Variants in ZCCHC8 observed in about 807,000 individuals in gnomAD.
ZCCHC8 encodes zinc finger CCHC-type containing 8.
ZCCHC8 carries 27 observed loss-of-function variants against 70.6 expected under a neutral mutation model. The observed-to-expected ratio is 0.38, with a 90% CI of 0.28 to 0.53. The LOEUF (loss-of-function observed/expected upper bound fraction) is 0.53. Ranked by LOEUF, ZCCHC8 falls within the 20% of genes least tolerant of loss-of-function variation. ZCCHC8 has a pLI of 0.81. For missense variants in ZCCHC8, 737 were observed against 876.9 expected, an observed-to-expected ratio of 0.84 and a Z score of 2.01; for synonymous variants, 293 against 317.4, an observed-to-expected ratio of 0.92 and a Z score of 0.82.
Position 122,483,829 on chromosome 12 carries a change from C to A in ZCCHC8, c.502-266G>T, listed in dbSNP as rs566770284. ...ACAGAATTCAAACAAAAAATGAAAA[C>A]CTTGACTCTCATATTTCCCTCCAAT... On this transcript the variant is annotated intron_variant, in intron 5 of 13. Coordinates refer to ENST00000633063, the MANE Select transcript of ZCCHC8 (RefSeq NM_017612.5). The surrounding 1 kb of genome is among the most constrained non-coding windows in gnomAD (Gnocchi z 4.4). 32 of 333,408 alleles carry A rather than the reference C, an allele frequency of 9.6e-5. 1 individual carries two copies. In the South Asian group the frequency reaches 1.6e-3, roughly 17 times the overall value. 20.7% of individuals were successfully genotyped at this position (333,408 alleles called of 1,614,324 possible).
intron 9 of ZCCHC8, 28 bp downstream of exon 9, chr12:122,481,917 A>T: frequency 6.2e-7 from 1 of 1,602,930 alleles, no homozygotes. Context: ...AATAAAAATG[A>T]CCTTCTATGG....
chr12:122,497,105 G>A (rs1248517336), intron 2 of ZCCHC8, among the ~76,000 whole-genome samples: 1 of 151,984 alleles, frequency 6.6e-6, no homozygotes, highest in East Asian at 1.9e-4. Context: ...AGTGAGCCGA[G>A]GTCATGCCAC....
intron 2 of ZCCHC8, among the ~76,000 whole-genome samples, chr12:122,497,164 A>C (rs1404558024): frequency 6.6e-6 from 1 of 152,068 alleles, no homozygotes; most frequent in African/African-American, 2.4e-5. Context: ...AAAAAAAAAA[A>C]ATCTGAAATA....
At chr12:122,491,861 A>AAC (rs1233425785) in intron 3 of ZCCHC8, among the ~76,000 whole-genome samples, 1 of 152,096 alleles carries the variant, frequency 6.6e-6, no homozygotes, top group Non-Finnish European at 1.5e-5. Context: ...CTGCAGGTGA[A>AAC]ACACTAGGTG....
chr12:122,481,678 A>G lies in ZCCHC8; in HGVS notation c.876-14T>C. The G allele has an allele frequency of 1.2e-6, 2 of 1,606,928 alleles. No individual in the cohort carries two copies. The highest frequency in any genetic ancestry group is 2.2e-5 in the South Asian group (2 of 89,544). ...TGAAGTTCCTCACTAAGTAAAAATA[A>G]AGGAGGAAGAAAAATACTGAATTCT... On this transcript the variant is annotated splice_polypyrimidine_tract_variant and intron_variant, in intron 9 of 13. Transcript: ENST00000633063.
intron 8 of ZCCHC8, 77 bp from the exon 9 acceptor site, chr12:122,482,164 T>C (rs1957549012): frequency 2.1e-6 from 3 of 1,434,026 alleles, no homozygotes; most frequent in Non-Finnish European, 2.8e-6. Context: ...AAATACTTTT[T>C]TTTAGATCAA....
In ZCCHC8 at chr12:122,483,283, T is replaced by G. The variant is rs1416173360; in HGVS notation, c.667A>C (p.Lys223Gln). Reference sequence around the variant, plus strand: ...AAAACAACTCCCCACACAAACCTTTTTGCCTTTACTTGTATTTCTTGCCCT... The same window carrying G: ...AAAACAACTCCCCACACAAACCTTTGTGCCTTTACTTGTATTTCTTGCCCT... ...LEGQEIQVKA[K>Q]RPKPHCFNCG... The change falls in exon 7 of 14, where the codon AAA becomes CAA. Residue 223 changes from lysine (K) to glutamine (Q), a missense_variant. Coordinates refer to ENST00000633063, the MANE Select transcript of ZCCHC8 (RefSeq NM_017612.5). The surrounding 1 kb of genome is among the most constrained non-coding windows in gnomAD (Gnocchi z 4.4). 6.3e-7 allele frequency: 1 copy of G among 1,594,970 alleles called. No individual in the cohort carries two copies. The highest frequency in any genetic ancestry group is 1.7e-5 in the Admixed American group (1 of 57,692).
intron 5 of ZCCHC8, among the ~76,000 whole-genome samples, chr12:122,487,829 T>G (rs1054398201): frequency 2.6e-5 from 4 of 152,178 alleles, no homozygotes; most frequent in African/African-American, 9.7e-5. Flanking sequence ...TCTCTTTCTT[T>G]TTTATATACA....
chr12:122,487,072 T>C (rs563664681), intron 5 of ZCCHC8, among the ~76,000 whole-genome samples: 1 of 152,128 alleles, frequency 6.6e-6, no homozygotes, highest in South Asian at 2.1e-4. Context: ...CTGCCTGGAG[T>C]GCCCCATTCA....
chr12:122,474,527 G>A (rs1280049838), intron 13 of ZCCHC8, among the ~76,000 whole-genome samples: 2 of 152,098 alleles, frequency 1.3e-5, no homozygotes, highest in African/African-American at 4.8e-5. Flanking sequence ...CTGTTTCTGT[G>A]CTGTGTGCAT....
chr12:122,496,252 G>A (rs1203819355), intron 2 of ZCCHC8, among the ~76,000 whole-genome samples: 1 of 152,004 alleles, frequency 6.6e-6, no homozygotes, highest in Non-Finnish European at 1.5e-5. Context: ...AGGCTTGAGA[G>A]CACAAATTTT....
In ZCCHC8 at chr12:122,499,019, T is replaced by C; in HGVS notation, c.200-150A>G. ...ATGACACACTTATTGAGCTTCTATT[T>C]TGTTGCAGGGGTAGGCTTTTGAAAC... is the stretch of plus-strand genomic sequence containing the variant. On this transcript the variant is annotated intron_variant, in intron 1 of 13. Coordinates refer to ENST00000633063, the MANE Select transcript of ZCCHC8 (RefSeq NM_017612.5). 4.0e-6 allele frequency: 3 copies of C among 748,550 alleles called. No homozygotes were observed. In the South Asian group the frequency reaches 5.1e-5, roughly 13 times the overall value. The allele number at this position is 748,550 out of a possible 1,614,324, so 46.4% of individuals were successfully genotyped here.
intron 13 of ZCCHC8, among the ~76,000 whole-genome samples, chr12:122,476,770 C>G (rs969411368): frequency 1.3e-5 from 2 of 152,098 alleles, no homozygotes; most frequent in African/African-American, 4.8e-5. Context: ...CACCTATAAT[C>G]CCAGCACTTT....
rs1228717810 is a variant in ZCCHC8 at position 122,474,198 on chromosome 12, G to A, written c.1423C>T (p.Leu475Phe). 21 of 1,511,666 alleles carry A rather than the reference G, an allele frequency of 1.4e-5. No homozygotes were observed. The highest frequency in any genetic ancestry group is 1.8e-5 in the Non-Finnish European group (20 of 1,139,152). The allele number at this position is 1,511,666 out of a possible 1,614,324, so 93.6% of individuals were successfully genotyped here. The change falls in exon 14 of 14, where the codon CTC becomes TTC. Residue 475 changes from leucine (L) to phenylalanine (F), a missense_variant. Transcript: ENST00000633063. Reference sequence around the variant, plus strand: ...ACGGGTGGAGGAGTTCCCCGGGGGAGTGGAGGAGTGTCAGGAGGTAATGGT... The same window carrying A: ...ACGGGTGGAGGAGTTCCCCGGGGGAATGGAGGAGTGTCAGGAGGTAATGGT... The part of the protein sequence containing the change: ...QPPLPPDTPP[L>F]PRGTPPPVFT...
intron 7 of ZCCHC8, chr12:122,482,957 G>A (rs1227092808): frequency 7.8e-6 from 4 of 512,934 alleles, no homozygotes; most frequent in African/African-American, 3.8e-5. Context: ...GGTTAACAAC[G>A]AAGAATCAAG....
intron 2 of ZCCHC8, among the ~76,000 whole-genome samples, chr12:122,493,835 G>A (rs936672996): frequency 4.0e-5 from 6 of 151,848 alleles, no homozygotes; most frequent in African/African-American, 4.8e-5. Flanking sequence ...GGATGGTCTC[G>A]ATCTCCTGAC....
At chr12:122,499,793 G>C (rs908715357) in intron 1 of ZCCHC8, 1 of 152,614 alleles carries the variant, frequency 6.6e-6, no homozygotes, top group Admixed American at 6.6e-5. Context: ...AGTGAGCCGA[G>C]ATCGCGCCAC....
chr12:122,474,729 T>C (rs368862666), intron 13 of ZCCHC8, among the ~76,000 whole-genome samples: 192 of 146,480 alleles, frequency 1.3e-3, no homozygotes, highest in African/African-American at 4.8e-3. Flanking sequence ...GGTTATTTCC[T>C]AGCTCTTTTT....
chr12:122,488,820 G>A (rs990504642), intron 5 of ZCCHC8, among the ~76,000 whole-genome samples: 1 of 149,158 alleles, frequency 6.7e-6, no homozygotes, highest in Non-Finnish European at 1.5e-5. Context: ...GCAGTGAGCC[G>A]AGATTGCACC....
Sources: allele counts gnomAD v4.1 joint callset (sites outside exome capture counted in the v4.1 genomes callset), GRCh38; gene constraint gnomAD v4.1.1; non-coding constraint Gnocchi (gnomAD v3.1); transcripts MANE v1.5; gene names NCBI Gene and HGNC (gene_info 2026-07-23, HGNC 2026-07-21).